GALNTL6: variants seen among roughly 807,000 people sequenced by gnomAD.
GALNTL6 encodes polypeptide N-acetylgalactosaminyltransferase like 6.
Under a neutral mutation model 73.7 loss-of-function variants are expected in GALNTL6, and 46 were observed. The ratio of observed to expected loss-of-function variants is 0.62; its 90% CI spans 0.49 to 0.80. GALNTL6 has a LOEUF of 0.80. Among genes scored for constraint, GALNTL6 ranks in the 30% least tolerant of loss-of-function variants. The pLI is 0.00. For missense variants in GALNTL6, 604 were observed against 755.0 expected, an observed-to-expected ratio of 0.80 and a Z score of 2.34; for synonymous variants, 259 against 263.7, an observed-to-expected ratio of 0.98 and a Z score of 0.17.
At chr4:172,131,917 G>T (rs1733509672) in intron 2 of GALNTL6, among the ~76,000 whole-genome samples, 1 of 151,806 alleles carries the variant, frequency 6.6e-6, no homozygotes, top group Non-Finnish European at 1.5e-5. Context: ...TCTTCTCATG[G>T]CAGAGAATCA....
chr4:171,895,900 G>T (rs1313138103), intron 2 of GALNTL6, among the ~76,000 whole-genome samples: 1 of 150,976 alleles, frequency 6.6e-6, no homozygotes, highest in African/African-American at 2.4e-5. Context: ...TTTTAAAAAT[G>T]CAATAGTGAA....
chr4:172,640,026 A>G (rs533238584), intron 5 of GALNTL6, among the ~76,000 whole-genome samples: 17 of 152,082 alleles, frequency 1.1e-4, no homozygotes, highest in African/African-American at 4.1e-4. Context: ...GCTCCTCTTT[A>G]TAGCAAAACT....
intron 5 of GALNTL6, among the ~76,000 whole-genome samples, chr4:172,567,497 A>T (rs896288343): frequency 6.6e-6 from 1 of 152,192 alleles, no homozygotes; most frequent in Non-Finnish European, 1.5e-5. Context: ...ACCAGCAAAC[A>T]TATCTTTTTC....
chr4:172,944,399 T>C (rs144226612), intron 9 of GALNTL6, among the ~76,000 whole-genome samples: 114 of 152,246 alleles, frequency 7.5e-4, no homozygotes, highest in African/African-American at 2.4e-3. Context: ...TAGGAAAATA[T>C]AAATTAAAAC....
intron 2 of GALNTL6, among the ~76,000 whole-genome samples, chr4:171,910,786 T>C (rs1737454829): frequency 6.6e-6 from 1 of 152,150 alleles, no homozygotes; most frequent in Admixed American, 6.6e-5. Context: ...TAATCATGTT[T>C]TGTGAGAATG....
chr4:172,131,312 TATG>T (rs1733486605), intron 2 of GALNTL6, among the ~76,000 whole-genome samples: 1 of 150,444 alleles, frequency 6.6e-6, no homozygotes. Context: ...TGAAAGAAAA[TATG>T]AGGATCATAT....
At chr4:172,051,755 G>A (rs569029956) in intron 2 of GALNTL6, among the ~76,000 whole-genome samples, 11 of 152,284 alleles carry the variant, frequency 7.2e-5, no homozygotes, top group Admixed American at 6.5e-4. Flanking sequence ...AGGAATGCCT[G>A]TTCCCACTTA....
chr4:172,915,801 G>T (rs974821432), intron 8 of GALNTL6, among the ~76,000 whole-genome samples: 2 of 152,030 alleles, frequency 1.3e-5, no homozygotes, highest in Non-Finnish European at 2.9e-5. Context: ...ATTCACAGCC[G>T]AATTCTACCA....
At chr4:172,473,458 G>C (rs993445484) in intron 5 of GALNTL6, among the ~76,000 whole-genome samples, 1 of 152,010 alleles carries the variant, frequency 6.6e-6, no homozygotes, top group African/African-American at 2.4e-5. Context: ...AACCACTTTG[G>C]TATCACTCCA....
chr4:172,439,172 T>TCACACACACACACACA (rs57281407), intron 5 of GALNTL6, among the ~76,000 whole-genome samples: 2 of 145,620 alleles, frequency 1.4e-5, no homozygotes, highest in Non-Finnish European at 3.0e-5. Flanking sequence ...TCTCTCCCCT[T>TCACACACACACACACA]CACACACACA....
intron 4 of GALNTL6, among the ~76,000 whole-genome samples, chr4:172,344,491 A>T (rs1413865317): frequency 3.3e-5 from 5 of 152,172 alleles, no homozygotes; most frequent in Non-Finnish European, 1.5e-5. Context: ...TTTTTGCTAG[A>T]ATTATTACAA....
chr4:172,384,489 C>T (rs549933244), intron 5 of GALNTL6, among the ~76,000 whole-genome samples: 1 of 151,424 alleles, frequency 6.6e-6, no homozygotes, highest in Non-Finnish European at 1.5e-5. Flanking sequence ...TTTACATTTT[C>T]TCTCACTTCA....
chr4:172,145,804 C>T (rs1733912854), intron 2 of GALNTL6, among the ~76,000 whole-genome samples: 1 of 151,968 alleles, frequency 6.6e-6, no homozygotes, highest in African/African-American at 2.4e-5. Flanking sequence ...CTTAAATTGG[C>T]ATATGATAGT....
chr4:172,039,934 C>CA (rs202133348), intron 2 of GALNTL6, among the ~76,000 whole-genome samples: 129 of 145,936 alleles, frequency 8.8e-4, no homozygotes, highest in African/African-American at 2.7e-3. Flanking sequence ...AACTTCAGGG[C>CA]AAAAAAAAAA....
intron 3 of GALNTL6, among the ~76,000 whole-genome samples, chr4:172,249,333 G>T (rs1737770265): frequency 6.6e-6 from 1 of 152,172 alleles, no homozygotes; most frequent in African/African-American, 2.4e-5. Context: ...TCTGGCAGAA[G>T]AAATTTATAA....
At chr4:172,603,180 T>C (rs1055171443) in intron 5 of GALNTL6, among the ~76,000 whole-genome samples, 1 of 152,220 alleles carries the variant, frequency 6.6e-6, no homozygotes, top group African/African-American at 2.4e-5. Flanking sequence ...ATACAGGCTT[T>C]CATTTAAAAT....
At chr4:172,862,630 G>A (rs1490865842) in intron 7 of GALNTL6, among the ~76,000 whole-genome samples, 1 of 152,092 alleles carries the variant, frequency 6.6e-6, no homozygotes, top group East Asian at 1.9e-4. Context: ...AACCCTGGAG[G>A]TGGAGGTTGC....
chr4:172,862,339 G>C (rs906481229), intron 7 of GALNTL6, among the ~76,000 whole-genome samples: 1 of 152,190 alleles, frequency 6.6e-6, no homozygotes, highest in South Asian at 2.1e-4. Flanking sequence ...ACTTGAGAGA[G>C]ATTATTTAGG....
chr4:172,642,604 A>G (rs910583221), intron 5 of GALNTL6, among the ~76,000 whole-genome samples: 5 of 151,918 alleles, frequency 3.3e-5, no homozygotes, highest in African/African-American at 1.2e-4. Flanking sequence ...ATTGAATACA[A>G]AATTTCAGTT....
Sources: gnomAD v4.1 joint callset for allele counts (sites outside exome capture counted in the v4.1 genomes callset) on GRCh38, gnomAD v4.1.1 for gene constraint, MANE v1.5 for transcripts, NCBI Gene and HGNC (gene_info 2026-07-23, HGNC 2026-07-21) for gene names.